The following ANKMY2 variants were observed in gnomAD, a reference collection of about 807,000 sequenced individuals.
ANKMY2 encodes ankyrin repeat and MYND domain-containing protein 2.
In ANKMY2, 36 loss-of-function variants were observed where a neutral mutation model predicts 50.4. That is an observed-to-expected ratio of 0.71 (90% CI 0.55 to 0.94). ANKMY2 has a LOEUF of 0.94. Ranked by LOEUF, ANKMY2 falls within the 40% of genes least tolerant of loss-of-function variation. ANKMY2 has a pLI of 0.00. For missense variants in ANKMY2, 565 were observed against 524.0 expected, an observed-to-expected ratio of 1.08 and a Z score of -0.76; for synonymous variants, 187 against 178.8, an observed-to-expected ratio of 1.05 and a Z score of -0.36.
intron 4 of ANKMY2, among the ~76,000 whole-genome samples, chr7:16,621,962 C>G (rs962440857): frequency 6.6e-6 from 1 of 150,760 alleles, no homozygotes; most frequent in African/African-American, 2.4e-5. Flanking sequence ...GAGTGAGACT[C>G]CATCTCAAAA....
chr7:16,600,893 A>G lies in ANKMY2; in HGVS notation c.1194T>C (p.Ala398=). 6.2e-7 allele frequency: 1 copy of G among 1,611,614 alleles called. No individual in the cohort carries two copies. The highest frequency in any genetic ancestry group is 8.5e-7 in the Non-Finnish European group (1 of 1,178,926). The part of the protein sequence containing the change: ...SNCVNEEQPE[A]EVGISQKDSN... ...AATCCTTTTGAGAGATACCTACTTC[A>G]GCCTCTGGTTGCTCTTCATTAACAC... Residue 398 remains alanine (A), a synonymous_variant, in exon 10 of 10, where the codon GCT becomes GCC. Transcript: ENST00000306999.
chr7:16,638,698 G>C (rs1047480444), intron 1 of ANKMY2, among the ~76,000 whole-genome samples: 1 of 152,124 alleles, frequency 6.6e-6, no homozygotes, highest in African/African-American at 2.4e-5. Context: ...TCTAATCATG[G>C]CTTGGACTTT....
At chr7:16,628,214 T>C (rs1052106093) in intron 2 of ANKMY2, among the ~76,000 whole-genome samples, 3 of 152,202 alleles carry the variant, frequency 2.0e-5, no homozygotes, top group Non-Finnish European at 4.4e-5. Flanking sequence ...CTGTAAAACA[T>C]ATAATCCGTT....
At chr7:16,637,960 G>T (rs1452449101) in intron 1 of ANKMY2, among the ~76,000 whole-genome samples, 1 of 152,202 alleles carries the variant, frequency 6.6e-6, no homozygotes, top group African/African-American at 2.4e-5. Context: ...TAGAGAACAG[G>T]CTGATAATTC....
intron 5 of ANKMY2, among the ~76,000 whole-genome samples, chr7:16,613,601 G>T (rs912228747): frequency 6.6e-6 from 1 of 151,986 alleles, no homozygotes; most frequent in African/African-American, 2.4e-5. Context: ...ACAAATTATT[G>T]TCTGCATAAT....
At position 16,609,645 on chromosome 7, in the gene ANKMY2, A is replaced by G; in HGVS notation, c.867T>C (p.Ile289=). ...GGAGCCTTACAATTTCAACAGGAGC[A>G]ATGCTTCGAACCAGCTGCTGGAGGA... The part of the protein sequence containing the change: ...ATLLQQLVRS[I]APVEIGSDPT... The change falls in exon 7 of 10, where the codon ATT becomes ATC. Residue 289 remains isoleucine, a synonymous_variant. Coordinates refer to ENST00000306999, the MANE Select transcript of ANKMY2 (RefSeq NM_020319.3). 6.2e-7 allele frequency: 1 copy of G among 1,606,830 alleles called. No homozygotes were observed. The highest frequency in any genetic ancestry group is 8.5e-7 in the Non-Finnish European group (1 of 1,177,996).
intron 7 of ANKMY2, among the ~76,000 whole-genome samples, chr7:16,608,531 A>G (rs1360158065): frequency 2.0e-5 from 3 of 152,128 alleles, no homozygotes; most frequent in African/African-American, 7.2e-5. Flanking sequence ...TGACATAACA[A>G]CCCAGAGAGA....
intron 3 of ANKMY2, 144 bp from the exon 4 acceptor site, chr7:16,625,225 T>C (rs908904604): frequency 1.7e-6 from 1 of 573,614 alleles, no homozygotes; most frequent in Non-Finnish European, 3.0e-6. Context: ...AAAACATGAA[T>C]CCTAACTACA....
At position 16,610,716 on chromosome 7, in the gene ANKMY2, G is replaced by A. The variant is rs1781234898; in HGVS notation, c.579C>T (p.Ala193=). 6.2e-7 allele frequency: 1 copy of A among 1,613,782 alleles called. No individual in the cohort carries two copies. Among genetic ancestry groups the A allele is most frequent in the Non-Finnish European group, 8.5e-7 (1 of 1,179,932 alleles). Residue 193 remains alanine (A), a synonymous_variant, in exon 6 of 10, where the codon GCC becomes GCT. Coordinates refer to ENST00000306999, the MANE Select transcript of ANKMY2 (RefSeq NM_020319.3). Reference sequence around the variant, plus strand: ...CCATCACTCTGTAGCATTTATTCAGGGCTGCTTCTTCTGTCAGCAGAGGAT... The same window carrying A: ...CCATCACTCTGTAGCATTTATTCAGAGCTGCTTCTTCTGTCAGCAGAGGAT... ...NENPLLTEEA[A]LNKCYRVMDL... is the part of the protein sequence containing the mutation.
intron 4 of ANKMY2, among the ~76,000 whole-genome samples, chr7:16,616,181 T>A (rs1024150223): frequency 3.3e-5 from 5 of 152,222 alleles, no homozygotes; most frequent in Non-Finnish European, 7.3e-5. Context: ...GCTCAACTTG[T>A]AAGAGACCTT....
At chr7:16,630,640 A>C (rs1781569352) in intron 2 of ANKMY2, among the ~76,000 whole-genome samples, 1 of 152,222 alleles carries the variant, frequency 6.6e-6, no homozygotes. Flanking sequence ...TGGAGGTAGC[A>C]ATAAGCAAAC....
At chr7:16,624,188 A>T (rs1781479170) in intron 4 of ANKMY2, among the ~76,000 whole-genome samples, 1 of 152,166 alleles carries the variant, frequency 6.6e-6, no homozygotes, top group Admixed American at 6.5e-5. Context: ...ATAGGTTGTG[A>T]ACATTATTTG....
chr7:16,625,012 C>G lies in ANKMY2; in HGVS notation c.341G>C (p.Arg114Thr), dbSNP rs1781490489. The change falls in exon 4 of 10, where the codon AGA (arginine) becomes ACA (threonine). Residue 114 changes from arginine (R) to threonine (T), a missense_variant. Transcript: ENST00000306999. ...AAAGGCTGCCATCTGAGCTGCTGTT[C>G]TTCCCACAGAGTTGACAACATCTGT... ...AETDVVNSVG[R>T]TAAQMAAFVG... The G allele has an allele frequency of 6.2e-7, 1 of 1,613,932 alleles. No homozygotes were observed. The highest frequency in any genetic ancestry group is 8.5e-7 in the Non-Finnish European group (1 of 1,179,984).
intron 1 of ANKMY2, among the ~76,000 whole-genome samples, chr7:16,643,228 C>T (rs1370618807): frequency 1.3e-5 from 2 of 152,160 alleles, no homozygotes; most frequent in African/African-American, 4.8e-5. Flanking sequence ...AATTTCAAAC[C>T]AGACCTGCAT....
chr7:16,644,058 T>G (rs978608127), intron 1 of ANKMY2, among the ~76,000 whole-genome samples: 3 of 152,120 alleles, frequency 2.0e-5, no homozygotes, highest in Non-Finnish European at 1.5e-5. Flanking sequence ...ATGTACTAGC[T>G]CTGTCCTGCC....
At chr7:16,640,181 A>G (rs1385173624) in intron 1 of ANKMY2, among the ~76,000 whole-genome samples, 1 of 152,120 alleles carries the variant, frequency 6.6e-6, no homozygotes. Context: ...AAATAAGTAA[A>G]TAAATAAATA....
chr7:16,620,922 GAA>G (rs1377717762), intron 4 of ANKMY2, among the ~76,000 whole-genome samples: 1 of 151,930 alleles, frequency 6.6e-6, no homozygotes, highest in Non-Finnish European at 1.5e-5. Flanking sequence ...AATTCAACAA[GAA>G]AAAGAGTGAC....
At chr7:16,603,377 A>G (rs527527362) in intron 8 of ANKMY2, among the ~76,000 whole-genome samples, 291 of 152,314 alleles carry the variant, frequency 1.9e-3, no homozygotes, top group Non-Finnish European at 2.5e-3. Flanking sequence ...GTCGAGGTAG[A>G]CAGAAAAATG....
Position 16,604,811 on chromosome 7 carries a change from G to A in ANKMY2, c.921C>T (p.Ala307=). The A allele has an allele frequency of 6.2e-7, 1 of 1,614,048 alleles. No homozygotes were observed. The highest frequency in any genetic ancestry group is 8.5e-7 in the Non-Finnish European group (1 of 1,179,940). The part of the protein sequence containing the change: ...DPTAFSVLTQ[A]ITGQVGFVDV... ...CCACAAAACCCACCTGGCCAGTGAT[G>A]GCTTGGGTAAGGACGGAGAATGCAG... The change falls in exon 8 of 10, where the codon GCC becomes GCT. Residue 307 remains alanine, a synonymous_variant. Coordinates refer to ENST00000306999, the MANE Select transcript of ANKMY2 (RefSeq NM_020319.3).
Sources: allele counts gnomAD v4.1 joint callset (sites outside exome capture counted in the v4.1 genomes callset), GRCh38; gene constraint gnomAD v4.1.1; transcripts MANE v1.5; gene names NCBI Gene and HGNC (gene_info 2026-07-23, HGNC 2026-07-21).